The following HTT variants were observed in gnomAD, a reference collection of about 807,000 sequenced individuals.
The protein encoded by HTT is huntingtin, also known as huntington disease protein.
In HTT, 104 loss-of-function variants were observed where a neutral mutation model predicts 362.3. The ratio of observed to expected loss-of-function variants is 0.29; its 90% CI spans 0.24 to 0.34. The LOEUF (loss-of-function observed/expected upper bound fraction) is 0.34, where lower values mean the gene tolerates loss of function less well. HTT is among the 10% of genes least tolerant of loss of function. The pLI is 1.00. For missense variants in HTT, 3,301 were observed against 3,928.6 expected (o/e 0.84, Z 4.27); for synonymous variants, 1,577 against 1,548.7 (o/e 1.02, Z -0.43).
chr4:3,146,705 A>C (rs578101536), intron 24 of HTT, 92 bp from the exon 25 acceptor site: 1 of 1,103,538 alleles, frequency 9.1e-7, no homozygotes, highest in Admixed American at 1.8e-5. Context: ...ATGTATTGTG[A>C]CATGCCTTCC....
intron 23 of HTT, among the ~76,000 whole-genome samples, chr4:3,143,142 A>G (rs904044216): frequency 2.6e-5 from 4 of 152,224 alleles, no homozygotes; most frequent in African/African-American, 4.8e-5. Context: ...AGGAAGACAC[A>G]ACAATTAAAA....
rs377287477 is a variant in HTT, at chr4:3,239,933, C to T, written c.9303C>T (p.His3101=). The change falls in exon 67 of 67, where the codon CAC becomes CAT. Residue 3101 remains histidine (H), a synonymous_variant. Transcript: ENST00000355072. ...FCLVATDFYR[H]QIEEELDRRA... Reference sequence around the variant, plus strand: ...TGGTCGCCACAGACTTCTACAGACACCAGATAGAGGAGGAGCTCGACCGCA... The same window carrying T: ...TGGTCGCCACAGACTTCTACAGACATCAGATAGAGGAGGAGCTCGACCGCA... The T allele has an allele frequency of 2.5e-6, 4 of 1,581,828 alleles. No homozygotes were observed. Among genetic ancestry groups the T allele is most frequent in the South Asian group, 1.2e-5 (1 of 86,462 alleles).
chr4:3,194,770 C>T (rs1560588270), intron 40 of HTT, among the ~76,000 whole-genome samples: 1 of 152,176 alleles, frequency 6.6e-6, no homozygotes, highest in Non-Finnish European at 1.5e-5. Context: ...TCTGTGGTTC[C>T]ACTTTTTGGG....
intron 3 of HTT, among the ~76,000 whole-genome samples, chr4:3,102,779 C>G (rs1415671175): frequency 6.6e-6 from 1 of 152,252 alleles, no homozygotes; most frequent in Non-Finnish European, 1.5e-5. Flanking sequence ...TCTTCCCTGT[C>G]CCATCCCCTA....
At chr4:3,194,538 A>G (rs1467308028) in intron 40 of HTT, among the ~76,000 whole-genome samples, 1 of 152,208 alleles carries the variant, frequency 6.6e-6, no homozygotes, top group African/African-American at 2.4e-5. Context: ...ACGGCCTTCC[A>G]GCTTTGCTCA....
At chr4:3,219,503 G>A (rs1012685073) in intron 52 of HTT, among the ~76,000 whole-genome samples, 3 of 152,138 alleles carry the variant, frequency 2.0e-5, no homozygotes, top group Non-Finnish European at 4.4e-5. Flanking sequence ...GAGCATAACC[G>A]ATTTAAAGAG....
chr4:3,078,890 A>G (rs1056465790), intron 1 of HTT, among the ~76,000 whole-genome samples: 4 of 152,082 alleles, frequency 2.6e-5, no homozygotes, highest in Non-Finnish European at 4.4e-5. Flanking sequence ...GCCTGCCACC[A>G]CGTCCAGCTA....
chr4:3,134,285 G>T, intron 18 of HTT, 116 bp from the exon 19 acceptor site: 1 of 775,236 alleles, frequency 1.3e-6, no homozygotes, highest in Non-Finnish European at 2.1e-6. Context: ...CAACATCCTG[G>T]TTGCAGTTAA....
Position 3,107,276 on chromosome 4 carries a change from C to T in HTT, c.609-9C>T. On this transcript the variant is annotated splice_polypyrimidine_tract_variant and intron_variant, in intron 5 of 66. Transcript: ENST00000355072. ...TGGAAGAATGACTTGCGTTCTTTTG[C>T]ATACACAGGCCTTACCTGGTGAACC... 1 of 1,610,510 alleles carries T rather than the reference C, an allele frequency of 6.2e-7. No homozygotes were observed. The highest frequency in any genetic ancestry group is 8.5e-7 in the Non-Finnish European group (1 of 1,178,600).
chr4:3,096,138 T>A (rs1430632307), intron 2 of HTT, among the ~76,000 whole-genome samples: 2 of 152,250 alleles, frequency 1.3e-5, no homozygotes, highest in African/African-American at 2.4e-5. Flanking sequence ...GATGAGATGG[T>A]CATTTCATAA....
At chr4:3,134,773 A>G (rs1268104757) in intron 19 of HTT, among the ~76,000 whole-genome samples, 3 of 152,202 alleles carry the variant, frequency 2.0e-5, no homozygotes, top group Non-Finnish European at 2.9e-5. Flanking sequence ...TCTGTCGCCC[A>G]GGCTTGAATG....
chr4:3,122,876 C>G lies in HTT; in HGVS notation c.1274-13C>G. The G allele has an allele frequency of 1.3e-6, 2 of 1,599,330 alleles. No homozygotes were observed. The highest frequency in any genetic ancestry group is 1.7e-6 in the Non-Finnish European group (2 of 1,171,262). ...AGCTTGTTACTTTATCTGTCACTTTCTGTGATTTGCAGCTGGAGGGGGTTC... is the reference window on the plus strand; with the variant it reads ...AGCTTGTTACTTTATCTGTCACTTTGTGTGATTTGCAGCTGGAGGGGGTTC... On this transcript the variant is annotated splice_polypyrimidine_tract_variant and intron_variant, in intron 9 of 66. Transcript: ENST00000355072.
intron 51 of HTT, among the ~76,000 whole-genome samples, chr4:3,215,732 A>G (rs1247286569): frequency 2.0e-5 from 3 of 152,168 alleles, no homozygotes; most frequent in Non-Finnish European, 2.9e-5. Context: ...AAAAATCCAA[A>G]TCCCAGTGAT....
chr4:3,190,392 C>G (rs1215427554), intron 40 of HTT, among the ~76,000 whole-genome samples: 1 of 150,586 alleles, frequency 6.6e-6, no homozygotes, highest in Non-Finnish European at 1.5e-5. Context: ...GCTTCCTCCT[C>G]CTGTGTTAAA....
At chr4:3,190,664 C>G (rs112115256) in intron 40 of HTT, among the ~76,000 whole-genome samples, 2 of 152,142 alleles carry the variant, frequency 1.3e-5, no homozygotes, top group African/African-American at 4.8e-5. Flanking sequence ...CCACTGCACT[C>G]CAGCCTGGGC....
intron 40 of HTT, among the ~76,000 whole-genome samples, chr4:3,193,100 A>C (rs1719082928): frequency 6.6e-6 from 1 of 152,250 alleles, no homozygotes; most frequent in Non-Finnish European, 1.5e-5. Context: ...AGCAGCTGAG[A>C]GTACAGGCAG....
Position 3,154,426 on chromosome 4 carries a change from A to G in HTT, c.3625+7A>G, listed in dbSNP as rs780288773. 1.9e-6 allele frequency: 3 copies of G among 1,613,352 alleles called. No homozygotes were observed. In the South Asian group the frequency reaches 3.3e-5, roughly 18 times the overall value. ...GGCAGTGAGGCCAGTGCAGGTAGGA[A>G]ACAGCGTGGGGAAGGGAGGGACATG... is the stretch of plus-strand genomic sequence containing the variant. On this transcript the variant is annotated splice_region_variant and intron_variant, in intron 27 of 66. Coordinates refer to ENST00000355072, the MANE Select transcript of HTT (RefSeq NM_001388492.1).
At position 3,132,684 on chromosome 4, in the gene HTT, G is replaced by T; in HGVS notation, c.2359G>T (p.Val787Leu). Residue 787 changes from valine to leucine, a missense_variant, in exon 17 of 67, where the codon GTG becomes TTG. Val to Leu is a conservative substitution (Grantham distance 32, BLOSUM62 1). Transcript: ENST00000355072. ...CSILSRSRFH[V>L]GDWMGTIRTL... ...CATCCTCAGCAGGTCCCGCTTCCACGTGGGAGATTGGATGGGCACCATTAG... is the reference window on the plus strand; with the variant it reads ...CATCCTCAGCAGGTCCCGCTTCCACTTGGGAGATTGGATGGGCACCATTAG... 6.2e-7 allele frequency: 1 copy of T among 1,614,184 alleles called. No individual in the cohort carries two copies. Among genetic ancestry groups the T allele is most frequent in the East Asian group, 2.2e-5 (1 of 44,886 alleles).
Position 3,102,420 on chromosome 4 carries a change from C to T in HTT, c.469-1404C>T, listed in dbSNP as rs572572263. Among the ~76,000 whole-genome samples the T allele has an allele frequency of 3.3e-5, 5 of 152,318 alleles. No homozygotes were observed. In the South Asian group the frequency reaches 6.2e-4, roughly 19 times the overall value. ...AAAGCTAAATCAAGGTTTGATAAGG[C>T]TTCTAGTTTTATTTAAGAAGTAATG... On this transcript the variant is annotated intron_variant, in intron 3 of 66. Transcript: ENST00000355072.
Sources: allele counts gnomAD v4.1 joint callset (sites outside exome capture counted in the v4.1 genomes callset), GRCh38; gene constraint gnomAD v4.1.1; transcripts MANE v1.5; gene names NCBI Gene and HGNC (gene_info 2026-07-23, HGNC 2026-07-21).